The following NUP98 variants were observed in gnomAD, a reference collection of about 807,000 sequenced individuals.
The protein encoded by NUP98 is nucleoporin 98 and 96 precursor, also known as nuclear pore complex protein Nup98-Nup96.
A neutral mutation model predicts 191.9 loss-of-function variants in NUP98; 26 were observed. The ratio of observed to expected loss-of-function variants is 0.14; its 90% CI spans 0.10 to 0.19. The LOEUF (loss-of-function observed/expected upper bound fraction) is 0.19, where lower values mean the gene tolerates loss of function less well. Ranked by LOEUF, NUP98 falls within the 10% of genes least tolerant of loss-of-function variation. The pLI is 1.00. For missense variants in NUP98, 1,941 were observed against 2,178.8 expected, an observed-to-expected ratio of 0.89 and a Z score of 2.17; for synonymous variants, 808 against 778.4, an observed-to-expected ratio of 1.04 and a Z score of -0.63.
intron 10 of NUP98, 60 bp downstream of exon 10, chr11:3,760,479 T>C (rs746826734): frequency 1.2e-6 from 2 of 1,613,862 alleles, no homozygotes; most frequent in African/African-American, 2.7e-5. Context: ...ACCTGCTTTT[T>C]ATATGTACCA....
intron 7 of NUP98, among the ~76,000 whole-genome samples, chr11:3,770,756 A>C (rs915411905): frequency 8.5e-5 from 13 of 152,204 alleles, no homozygotes; most frequent in Non-Finnish European, 1.5e-5. Flanking sequence ...ATTTTTGTCA[A>C]GTAATCATCA....
chr11:3,796,803 G>C (rs2082627737), intron 1 of NUP98, among the ~76,000 whole-genome samples: 2 of 152,170 alleles, frequency 1.3e-5, no homozygotes, highest in Admixed American at 1.3e-4. Flanking sequence ...AATTTCTAAA[G>C]TCCTTATGGC....
At chr11:3,764,770 G>T (rs1221602296) in intron 8 of NUP98, among the ~76,000 whole-genome samples, 2 of 152,196 alleles carry the variant, frequency 1.3e-5, no homozygotes, top group Non-Finnish European at 2.9e-5. Context: ...AGTAGAGACG[G>T]GGTTTCACCA....
At chr11:3,775,446 G>A (rs975797583) in intron 5 of NUP98, among the ~76,000 whole-genome samples, 10 of 151,890 alleles carry the variant, frequency 6.6e-5, no homozygotes, top group East Asian at 3.9e-4. Flanking sequence ...GGAGGCAGGA[G>A]AATCACTTGA....
intron 16 of NUP98, among the ~76,000 whole-genome samples, chr11:3,722,383 T>G (rs2079436179): frequency 6.6e-6 from 1 of 152,054 alleles, no homozygotes; most frequent in Non-Finnish European, 1.5e-5. Context: ...GCCAAAGTGC[T>G]GAGCCACCAC....
intron 14 of NUP98, among the ~76,000 whole-genome samples, chr11:3,726,556 A>T (rs1003811477): frequency 6.6e-6 from 1 of 151,554 alleles, no homozygotes; most frequent in African/African-American, 2.4e-5. Context: ...GGGTATTTTT[A>T]AACAACTTTA....
chr11:3,702,658 G>C lies in NUP98; in HGVS notation c.3317C>G (p.Ser1106Cys). 1 of 1,614,160 alleles carries C rather than the reference G, an allele frequency of 6.2e-7. No homozygotes were observed. Among genetic ancestry groups the C allele is most frequent in the Non-Finnish European group, 8.5e-7 (1 of 1,180,032 alleles). Residue 1106 changes from serine to cysteine, a missense_variant, in exon 23 of 33, where the codon TCT (serine) becomes TGT (cysteine). Ser to Cys is a moderately radical substitution (Grantham distance 112, BLOSUM62 -1). This residue lies in a region of NUP98 where 1,030 missense variants were observed against 1,115.8 expected (regional missense o/e 0.92). Transcript: ENST00000324932. ...GAGTTTTCCCTTGCCATAGGTGACA[G>C]ACTTTTCACGAGGGACTAGGCCTAG... is the stretch of plus-strand genomic sequence containing the variant. ...RQLGLVPREK[S>C]VTYGKGKLLM...
intron 1 of NUP98, among the ~76,000 whole-genome samples, chr11:3,788,772 C>T (rs945683336): frequency 6.6e-6 from 1 of 151,920 alleles, no homozygotes; most frequent in Non-Finnish European, 1.5e-5. Flanking sequence ...CAAGGAGAAA[C>T]CCCGTCTCTA....
chr11:3,734,904 A>T (rs949586822), intron 13 of NUP98, among the ~76,000 whole-genome samples: 1 of 152,158 alleles, frequency 6.6e-6, no homozygotes, highest in African/African-American at 2.4e-5. Flanking sequence ...AAAAAAACTT[A>T]AAAAAAGTTG....
rs770957756 is a variant in NUP98 at position 3,725,188 on chromosome 11, G to C, written c.1762C>G (p.Leu588Val). The C allele has an allele frequency of 3.8e-6, 6 of 1,593,940 alleles. No homozygotes were observed. In the Admixed American group the frequency reaches 1.0e-4, roughly 27 times the overall value. Residue 588 changes from leucine to valine, a missense_variant, in exon 15 of 33, where the codon CTT (leucine) becomes GTT (valine). Leu to Val is a conservative substitution (Grantham distance 32). Transcript: ENST00000324932. ...GGAGAAAAGAGATTGCTATTATTAA[G>C]GTTCTTCAAAACCAACTTCTTAATG... ...KSIKKLVLKN[L>V]NNSNLFSPVN...
At position 3,676,344 on chromosome 11, in the gene NUP98, C is replaced by G; in HGVS notation, c.5218G>C (p.Val1740Leu). The G allele has an allele frequency of 1.2e-6, 2 of 1,613,980 alleles. No homozygotes were observed. Among genetic ancestry groups the G allele is most frequent in the Non-Finnish European group, 1.7e-6 (2 of 1,179,920 alleles). ...MAKRVANLLR[V>L]VLSLHHPPDR... ...GGAGGATGATGCAGACTCAGCACCA[C>G]GCGCAGCAGGTTGGCTACACGTTTG... The change falls in exon 33 of 33, where the codon GTG (valine) becomes CTG (leucine). Residue 1740 changes from valine (V) to leucine (L), a missense_variant. By Grantham distance (32) the Val-to-Leu change is conservative. This residue lies in a region of NUP98 where 1,030 missense variants were observed against 1,115.8 expected (regional missense o/e 0.92). Coordinates refer to ENST00000324932, the MANE Select transcript of NUP98 (RefSeq NM_016320.5).
chr11:3,797,133 C>A (rs577997054), intron 1 of NUP98, among the ~76,000 whole-genome samples: 2 of 152,374 alleles, frequency 1.3e-5, no homozygotes, highest in East Asian at 1.9e-4. Context: ...TACAACCAGA[C>A]AGACACCCAC....
intron 1 of NUP98, among the ~76,000 whole-genome samples, chr11:3,791,877 C>A (rs34960028): frequency 6.8e-6 from 1 of 146,794 alleles, no homozygotes. Flanking sequence ...ACAAAAATTA[C>A]AACTACAAAA....
chr11:3,704,458 T>C (rs1158843847), intron 22 of NUP98, among the ~76,000 whole-genome samples: 1 of 152,254 alleles, frequency 6.6e-6, no homozygotes, highest in African/African-American at 2.4e-5. Flanking sequence ...AAATCTGATG[T>C]GCTCTGTGCA....
chr11:3,717,511 G>A, intron 18 of NUP98, among the ~76,000 whole-genome samples: 1 of 152,150 alleles, frequency 6.6e-6, no homozygotes, highest in Non-Finnish European at 1.5e-5. Flanking sequence ...CAGTGCAACT[G>A]ATTTTTCCAT....
chr11:3,780,038 A>C (rs1054586571), intron 2 of NUP98, among the ~76,000 whole-genome samples: 3 of 152,152 alleles, frequency 2.0e-5, no homozygotes. Context: ...AACACATCAG[A>C]ACAACCTGGG....
At chr11:3,718,616 G>A (rs1013564140) in intron 18 of NUP98, among the ~76,000 whole-genome samples, 4 of 152,048 alleles carry the variant, frequency 2.6e-5, no homozygotes, top group Non-Finnish European at 4.4e-5. Context: ...GGAAAGGATC[G>A]ATTGATCTGC....
chr11:3,794,954 C>T (rs2082479033), intron 1 of NUP98, among the ~76,000 whole-genome samples: 1 of 152,188 alleles, frequency 6.6e-6, no homozygotes, highest in African/African-American at 2.4e-5. Context: ...GTTCCCTAAC[C>T]TTTCAACAAA....
intron 11 of NUP98, among the ~76,000 whole-genome samples, chr11:3,752,478 C>T (rs2134437733): frequency 6.6e-6 from 1 of 151,772 alleles, no homozygotes; most frequent in South Asian, 2.1e-4. Context: ...GACTGCACCA[C>T]TGCACTCCAG....
Sources: allele counts gnomAD v4.1 joint callset (sites outside exome capture counted in the v4.1 genomes callset), GRCh38; gene constraint gnomAD v4.1.1; regional missense constraint gnomAD v4.1.1; transcripts MANE v1.5; gene names NCBI Gene and HGNC (gene_info 2026-07-23, HGNC 2026-07-21).